Variants in SMURF2 observed in about 807,000 individuals in gnomAD.
SMURF2 encodes the protein SMAD specific E3 ubiquitin protein ligase 2, also known as E3 ubiquitin-protein ligase SMURF2.
Under a neutral mutation model 109.6 loss-of-function variants are expected in SMURF2, and 48 were observed. The ratio of observed to expected loss-of-function variants is 0.44; its 90% CI spans 0.35 to 0.56. The LOEUF (loss-of-function observed/expected upper bound fraction) is 0.56, where lower values mean the gene tolerates loss of function less well. Ranked by LOEUF, SMURF2 falls within the 20% of genes least tolerant of loss-of-function variation. The pLI is 0.01. For missense variants in SMURF2, 575 were observed against 909.0 expected (o/e 0.63, Z 4.72); for synonymous variants, 288 against 317.1 (o/e 0.91, Z 0.97).
At chr17:64,571,572 AT>A (rs1204893813) in intron 10 of SMURF2, among the ~76,000 whole-genome samples, 1 of 152,024 alleles carries the variant, frequency 6.6e-6, no homozygotes, top group South Asian at 2.1e-4. Flanking sequence ...CACCCAGCTA[AT>A]TTTTTAATTT....
rs116800626 is a variant in SMURF2 at position 64,608,811 on chromosome 17, G to A, written c.53-2171C>T. On this transcript the variant is annotated intron_variant, in intron 1 of 18. Transcript: ENST00000262435. ...CTCATATCTAAACCACCATGTTCTC[G>A]GGGATCTTCACAGCTGTTATACATA... Among the ~76,000 whole-genome samples, 1,404 of 151,910 alleles carry A rather than the reference G, an allele frequency of 9.2e-3. 16 individuals are homozygous for A. The highest frequency in any genetic ancestry group is 0.032 in the African/African-American group (1,342 of 41,428).
chr17:64,628,438 A>G (rs1355238392), intron 1 of SMURF2, among the ~76,000 whole-genome samples: 1 of 152,198 alleles, frequency 6.6e-6, no homozygotes, highest in Non-Finnish European at 1.5e-5. Flanking sequence ...CTGTTAAGTA[A>G]AAGAGTCAAA....
intron 1 of SMURF2, among the ~76,000 whole-genome samples, chr17:64,617,142 G>A (rs574896268): frequency 4.0e-5 from 6 of 150,040 alleles, no homozygotes; most frequent in African/African-American, 4.9e-5. Context: ...TTCACAAAAC[G>A]GTTAATTGAA....
chr17:64,631,285 A>AGAGAGAGG (rs1970341862), intron 1 of SMURF2, among the ~76,000 whole-genome samples: 1 of 29,024 alleles, frequency 3.4e-5, no homozygotes. Flanking sequence ...GGGGGGGGAG[A>AGAGAGAGG]GAGAGAGAGA....
At chr17:64,654,683 G>A (rs1970682951) in intron 1 of SMURF2, among the ~76,000 whole-genome samples, 1 of 152,078 alleles carries the variant, frequency 6.6e-6, no homozygotes, top group Admixed American at 6.6e-5. Flanking sequence ...TACAGAATTA[G>A]CCGGGCGCGG....
intron 2 of SMURF2, among the ~76,000 whole-genome samples, chr17:64,600,802 C>T (rs575815754): frequency 6.6e-6 from 1 of 152,230 alleles, no homozygotes; most frequent in East Asian, 1.9e-4. Context: ...GTTATTTTCA[C>T]TCTACTATTT....
In SMURF2 at chr17:64,543,242, T is replaced by C. The variant is rs1256823645; in HGVS notation, c.*2606A>G. 1 of 151,952 alleles carries C rather than the reference T, an allele frequency of 6.6e-6. No homozygotes were observed. The highest frequency in any genetic ancestry group is 1.5e-5 in the Non-Finnish European group (1 of 68,004). 9.4% of individuals were successfully genotyped at this position (151,952 alleles called of 1,614,324 possible). On this transcript the variant is annotated 3_prime_UTR_variant, in exon 19 of 19. Coordinates refer to ENST00000262435, the MANE Select transcript of SMURF2 (RefSeq NM_022739.4). ...ATCATGTTTTTATATATGTTGGTGATAACATAGACTGTTATGGAGAGTAAT... is the reference window on the plus strand; with the variant it reads ...ATCATGTTTTTATATATGTTGGTGACAACATAGACTGTTATGGAGAGTAAT...
intron 5 of SMURF2, among the ~76,000 whole-genome samples, chr17:64,589,829 A>C (rs1969724646): frequency 6.6e-6 from 1 of 151,978 alleles, no homozygotes; most frequent in Non-Finnish European, 1.5e-5. Context: ...AGTGCACAAT[A>C]AATGTAATGC....
At chr17:64,592,177 C>T (rs1432782799) in intron 4 of SMURF2, among the ~76,000 whole-genome samples, 1 of 152,226 alleles carries the variant, frequency 6.6e-6, no homozygotes, top group African/African-American at 2.4e-5. Flanking sequence ...TCTCAGAGGA[C>T]AGGATTCATG....
chr17:64,628,862 C>T (rs1204375298), intron 1 of SMURF2, among the ~76,000 whole-genome samples: 1 of 152,164 alleles, frequency 6.6e-6, no homozygotes, highest in East Asian at 1.9e-4. Flanking sequence ...TTGATCATCA[C>T]AGGGCTCCCT....
Position 64,582,902 on chromosome 17 carries a change from A to ATT in SMURF2, c.569+557_569+558dup, listed in dbSNP as rs564897453. 4.9e-5 allele frequency among the ~76,000 whole-genome samples: 7 copies of ATT among 142,124 alleles called. No individual in the cohort carries two copies. The East Asian group carries it at 1.0e-3, about 21-fold the overall frequency. The allele number at this position is 142,124 out of a possible 152,430, so 93.2% of individuals were successfully genotyped here. ...TGGTGAGCCACCATGCTTGGCCAAT[A>ATT]TTTTTTTTTTTTTGGGGACAGAGTC... On this transcript the variant is annotated intron_variant, in intron 7 of 18. Transcript: ENST00000262435.
At chr17:64,630,621 C>A (rs184273006) in intron 1 of SMURF2, among the ~76,000 whole-genome samples, 129 of 152,250 alleles carry the variant, frequency 8.5e-4, no homozygotes, top group Non-Finnish European at 1.3e-3. Flanking sequence ...GGCAAGGGGA[C>A]AAATGACAGT....
intron 1 of SMURF2, among the ~76,000 whole-genome samples, chr17:64,657,362 G>A (rs1970718651): frequency 6.6e-6 from 1 of 152,054 alleles, no homozygotes; most frequent in South Asian, 2.1e-4. Context: ...TTTGAAAAGA[G>A]GAGGACATAT....
chr17:64,611,284 C>A (rs556315799), intron 1 of SMURF2, among the ~76,000 whole-genome samples: 73 of 152,216 alleles, frequency 4.8e-4, no homozygotes, highest in African/African-American at 1.7e-3. Flanking sequence ...TCCTCTCTCT[C>A]AAAAAATAAA....
At chr17:64,633,080 G>A (rs1160897660) in intron 1 of SMURF2, among the ~76,000 whole-genome samples, 1 of 152,174 alleles carries the variant, frequency 6.6e-6, no homozygotes, top group African/African-American at 2.4e-5. Context: ...AGGCCAGCCT[G>A]GGCAACCTGA....
At position 64,661,945 on chromosome 17, in the gene SMURF2, G is replaced by A. The variant is rs1280592933; in HGVS notation, c.-65C>T. 1 of 1,144,746 alleles carries A rather than the reference G, an allele frequency of 8.7e-7. No homozygotes were observed. The highest frequency in any genetic ancestry group is 1.1e-6 in the Non-Finnish European group (1 of 932,542). 70.9% of individuals were successfully genotyped at this position (1,144,746 alleles called of 1,614,324 possible). A position where few individuals can be genotyped will look rare whatever the true frequency, so the allele number is the denominator to read the frequency against. ...GGGGGCGACGGCGAGGCGCGGCGGA[G>A]TCACCACAGCGGCCGGGGCTGGGGC... is the stretch of plus-strand genomic sequence containing the variant. On this transcript the variant is annotated 5_prime_UTR_variant, in exon 1 of 19. Coordinates refer to ENST00000262435, the MANE Select transcript of SMURF2 (RefSeq NM_022739.4).
At chr17:64,554,477 A>G (rs1969091207) in intron 15 of SMURF2, among the ~76,000 whole-genome samples, 1 of 152,156 alleles carries the variant, frequency 6.6e-6, no homozygotes, top group South Asian at 2.1e-4. Flanking sequence ...ATGGCCTTTG[A>G]TATCACATAG....
chr17:64,640,260 G>A (rs1555692467), intron 1 of SMURF2, among the ~76,000 whole-genome samples: 1 of 152,172 alleles, frequency 6.6e-6, no homozygotes, highest in Non-Finnish European at 1.5e-5. Context: ...TGAGAGTAGA[G>A]ACTACTTTAG....
At chr17:64,614,020 G>C (rs116183308) in intron 1 of SMURF2, among the ~76,000 whole-genome samples, 1 of 151,686 alleles carries the variant, frequency 6.6e-6, no homozygotes, top group Non-Finnish European at 1.5e-5. Context: ...TTCACAGTAG[G>C]GTTAACACTC....
Sources: gnomAD v4.1 joint callset for allele counts (sites outside exome capture counted in the v4.1 genomes callset) on GRCh38, gnomAD v4.1.1 for gene constraint, MANE v1.5 for transcripts, NCBI Gene and HGNC (gene_info 2026-07-23, HGNC 2026-07-21) for gene names.